The following PDE4B variants were observed in gnomAD, a reference collection of about 807,000 sequenced individuals.
The protein encoded by PDE4B is 3',5'-cyclic-AMP phosphodiesterase 4B.
In PDE4B, 20 loss-of-function variants were observed where a neutral mutation model predicts 82.2. That is an observed-to-expected ratio of 0.24 (90% CI 0.17 to 0.35). PDE4B has a LOEUF of 0.35. Among genes scored for constraint, PDE4B ranks in the 10% least tolerant of loss-of-function variants. The pLI is 1.00. For synonymous variants in PDE4B, 320 were observed against 318.9 expected, an observed-to-expected ratio of 1.00 and a Z score of -0.04; for missense variants, 655 against 907.2, an observed-to-expected ratio of 0.72 and a Z score of 3.57.
chr1:66,026,995 G>A (rs925786945), intron 3 of PDE4B, among the ~76,000 whole-genome samples: 1 of 152,186 alleles, frequency 6.6e-6, no homozygotes, highest in African/African-American at 2.4e-5. Context: ...AATCCTATTA[G>A]TTTGTGCCAG....
At chr1:66,137,816 C>T (rs1163191164) in intron 3 of PDE4B, among the ~76,000 whole-genome samples, 1 of 152,142 alleles carries the variant, frequency 6.6e-6, no homozygotes, top group Non-Finnish European at 1.5e-5. Context: ...TATAACCAAA[C>T]TTTAACATTT....
At chr1:66,040,889 G>A (rs1350059951) in intron 3 of PDE4B, among the ~76,000 whole-genome samples, 2 of 151,894 alleles carry the variant, frequency 1.3e-5, no homozygotes, top group Non-Finnish European at 1.5e-5. Flanking sequence ...TTAAAAGGAA[G>A]TAGGAAAGAC....
chr1:66,362,625 G>A (rs776673241), intron 10 of PDE4B, among the ~76,000 whole-genome samples: 18 of 152,180 alleles, frequency 1.2e-4, no homozygotes, highest in East Asian at 1.9e-4. Flanking sequence ...TTCCAGGTCC[G>A]TCTGTGGCCC....
chr1:66,297,519 T>A (rs1264351903), intron 7 of PDE4B, among the ~76,000 whole-genome samples: 2 of 152,192 alleles, frequency 1.3e-5, no homozygotes, highest in Non-Finnish European at 2.9e-5. Context: ...TTCTATGGCA[T>A]ATTGAAACAG....
In PDE4B at chr1:66,007,350, G is replaced by A. The variant is rs929352743; in HGVS notation, c.281+88515G>A. Among the ~76,000 whole-genome samples, 6 of 152,086 alleles carry A rather than the reference G, an allele frequency of 3.9e-5. 1 individual carries two copies. The highest frequency in any genetic ancestry group is 3.9e-4 in the East Asian group (2 of 5,168). On this transcript the variant is annotated intron_variant, in intron 3 of 16. Transcript: ENST00000341517. The stretch of plus-strand genomic sequence containing the variant: ...TTTCAGCTACTTGGGAGGCTGAGGT[G>A]GGAGAATTGCTTGAACTCTGGAGGT...
At chr1:65,811,268 T>C (rs1645816111) in intron 1 of PDE4B, among the ~76,000 whole-genome samples, 1 of 152,246 alleles carries the variant, frequency 6.6e-6, no homozygotes, top group Non-Finnish European at 1.5e-5. Flanking sequence ...TCTTCAGGGC[T>C]CAAATTGAAG....
chr1:66,258,737 G>A (rs1290743040), intron 6 of PDE4B, among the ~76,000 whole-genome samples: 14 of 152,160 alleles, frequency 9.2e-5, no homozygotes, highest in Admixed American at 9.2e-4. Context: ...TCACTACAGA[G>A]TATCCTATAT....
intron 3 of PDE4B, among the ~76,000 whole-genome samples, chr1:66,194,243 C>G (rs575885432): frequency 6.6e-6 from 1 of 152,088 alleles, no homozygotes; most frequent in Non-Finnish European, 1.5e-5. Flanking sequence ...TTACCTTTTG[C>G]ACATATGGCT....
chr1:66,300,011 A>T (rs867653986), intron 7 of PDE4B, among the ~76,000 whole-genome samples: 23 of 152,198 alleles, frequency 1.5e-4, no homozygotes, highest in Non-Finnish European at 2.4e-4. Context: ...ACCAAACAAA[A>T]TGCATATTGG....
intron 3 of PDE4B, among the ~76,000 whole-genome samples, chr1:65,996,708 T>G (rs1651560801): frequency 6.6e-6 from 1 of 152,152 alleles, no homozygotes; most frequent in South Asian, 2.1e-4. Context: ...ATCATTATTT[T>G]GACTCTGAAT....
intron 1 of PDE4B, among the ~76,000 whole-genome samples, chr1:65,818,693 T>TATATATATATATATATATATATATAA (rs1645915101): frequency 2.0e-5 from 3 of 148,524 alleles, no homozygotes; most frequent in African/African-American, 7.4e-5. Context: ...CACATATATA[T>TATATATATATATATATATATATATAA]ATATATATAT....
At chr1:65,902,552 G>A (rs1266068110) in intron 1 of PDE4B, among the ~76,000 whole-genome samples, 1 of 152,018 alleles carries the variant, frequency 6.6e-6, no homozygotes, top group Non-Finnish European at 1.5e-5. Flanking sequence ...CTAAGTTATT[G>A]TCACACCTTG....
intron 3 of PDE4B, chr1:65,992,706 T>G: frequency 1.5e-6 from 2 of 1,326,392 alleles, no homozygotes. Context: ...GCCAGCCTGA[T>G]AAAGCTCCTT....
At chr1:66,193,145 A>T (rs1647972719) in intron 3 of PDE4B, among the ~76,000 whole-genome samples, 1 of 152,214 alleles carries the variant, frequency 6.6e-6, no homozygotes, top group Admixed American at 6.5e-5. Flanking sequence ...TATGGAAAGA[A>T]AGTAAGATGT....
intron 3 of PDE4B, among the ~76,000 whole-genome samples, chr1:66,047,156 G>A (rs1051962998): frequency 6.6e-6 from 1 of 151,736 alleles, no homozygotes; most frequent in African/African-American, 2.4e-5. Flanking sequence ...TAAGCTTTCT[G>A]TTCTTCCTTT....
intron 16 of PDE4B, among the ~76,000 whole-genome samples, chr1:66,371,464 C>T (rs1052692836): frequency 6.6e-6 from 1 of 152,130 alleles, no homozygotes; most frequent in African/African-American, 2.4e-5. Context: ...ACACTGCTAG[C>T]TCATGCAGGA....
intron 3 of PDE4B, among the ~76,000 whole-genome samples, chr1:66,066,463 G>C (rs559560948): frequency 6.6e-6 from 1 of 151,900 alleles, no homozygotes; most frequent in South Asian, 2.1e-4. Context: ...TATTTCTGTT[G>C]AGTACACAAA....
intron 3 of PDE4B, among the ~76,000 whole-genome samples, chr1:66,211,167 C>T (rs116612711): frequency 0.015 from 2,308 of 152,264 alleles, 64 homozygotes; most frequent in African/African-American, 0.051. Context: ...ACCTGAATTC[C>T]GCGTGATATG....
At chr1:66,215,044 A>G (rs992451283) in intron 3 of PDE4B, among the ~76,000 whole-genome samples, 26 of 151,990 alleles carry the variant, frequency 1.7e-4, no homozygotes, top group African/African-American at 6.0e-4. Flanking sequence ...AGGCAGTAGA[A>G]ACTTGCTATG....
Sources: gnomAD v4.1 joint callset for allele counts (sites outside exome capture counted in the v4.1 genomes callset) on GRCh38, gnomAD v4.1.1 for gene constraint, MANE v1.5 for transcripts, NCBI Gene and HGNC (gene_info 2026-07-23, HGNC 2026-07-21) for gene names.